The following GALNT2 variants were observed in gnomAD, a reference collection of about 807,000 sequenced individuals.
The protein encoded by GALNT2 is polypeptide N-acetylgalactosaminyltransferase 2.
Under a neutral mutation model 81.4 loss-of-function variants are expected in GALNT2, and 31 were observed. That is an observed-to-expected ratio of 0.38 (90% CI 0.29 to 0.51). The LOEUF (loss-of-function observed/expected upper bound fraction) is 0.51. Among genes scored for constraint, GALNT2 ranks in the 20% least tolerant of loss-of-function variants. The probability of loss-of-function intolerance (pLI) is 0.87; values close to 1 mark genes in which losing one functional copy is unlikely to be tolerated. For missense variants in GALNT2, 629 were observed against 765.7 expected (o/e 0.82, Z 2.11); for synonymous variants, 303 against 287.4 (o/e 1.05, Z -0.55).
chr1:230,086,094 A>G (rs1374174435), intron 1 of GALNT2, among the ~76,000 whole-genome samples: 2 of 152,348 alleles, frequency 1.3e-5, no homozygotes, highest in African/African-American at 2.4e-5. Flanking sequence ...CATGGAATTC[A>G]CAGAACAAAT....
intron 1 of GALNT2, among the ~76,000 whole-genome samples, chr1:230,117,312 C>T (rs1256034049): frequency 1.3e-5 from 2 of 152,250 alleles, no homozygotes; most frequent in African/African-American, 2.4e-5. Context: ...CTCACACCTT[C>T]TCCGTATCAG....
At chr1:230,231,847 C>T (rs1253469759) in intron 3 of GALNT2, among the ~76,000 whole-genome samples, 3 of 152,234 alleles carry the variant, frequency 2.0e-5, no homozygotes, top group Non-Finnish European at 4.4e-5. Flanking sequence ...CCCACAAAGT[C>T]AGCCCGAAAC....
chr1:230,149,374 C>T (rs1662023992), intron 1 of GALNT2, among the ~76,000 whole-genome samples: 1 of 152,102 alleles, frequency 6.6e-6, no homozygotes, highest in African/African-American at 2.4e-5. Context: ...ATGGTTGCTG[C>T]CTGCTTGCTG....
intron 1 of GALNT2, among the ~76,000 whole-genome samples, chr1:230,124,285 G>A (rs1661108344): frequency 6.6e-6 from 1 of 152,134 alleles, no homozygotes; most frequent in South Asian, 2.1e-4. Context: ...CAGAGGGAGA[G>A]ACACCAATTC....
chr1:230,090,573 A>C (rs1348303584), intron 1 of GALNT2, among the ~76,000 whole-genome samples: 1 of 152,134 alleles, frequency 6.6e-6, no homozygotes, highest in Non-Finnish European at 1.5e-5. Context: ...GGTGCTTCTG[A>C]GGTTCCCAAA....
In GALNT2 at chr1:230,279,699, G is replaced by C; in HGVS notation, c.*241G>C. ...CCAGCCGGGCCCCCTTCCCCAGGCCGGAGCGCCCCTCTTCCTTCCAGCTTT... is the reference window on the plus strand; with the variant it reads ...CCAGCCGGGCCCCCTTCCCCAGGCCCGAGCGCCCCTCTTCCTTCCAGCTTT... On this transcript the variant is annotated 3_prime_UTR_variant, in exon 16 of 16. Coordinates refer to ENST00000366672, the MANE Select transcript of GALNT2 (RefSeq NM_004481.5). The surrounding 1 kb of genome is among the most constrained non-coding windows in gnomAD (Gnocchi z 4.6). 3 of 566,952 alleles carry C rather than the reference G, an allele frequency of 5.3e-6. No individual in the cohort carries two copies. Among genetic ancestry groups the C allele is most frequent in the Non-Finnish European group, 9.6e-6 (3 of 312,666 alleles). The allele number at this position is 566,952 out of a possible 1,614,324, so 35.1% of individuals were successfully genotyped here.
chr1:230,277,823 C>T (rs1666339900), intron 15 of GALNT2, among the ~76,000 whole-genome samples: 1 of 152,142 alleles, frequency 6.6e-6, no homozygotes, highest in African/African-American at 2.4e-5. Context: ...CTGGCTTTGC[C>T]AGTTGGAACA....
intron 2 of GALNT2, among the ~76,000 whole-genome samples, chr1:230,181,670 G>A (rs750678193): frequency 3.9e-5 from 6 of 151,972 alleles, no homozygotes; most frequent in East Asian, 1.9e-4. Flanking sequence ...GATTACAGGC[G>A]TGAGCCAGCA....
intron 3 of GALNT2, among the ~76,000 whole-genome samples, chr1:230,206,604 G>A (rs1664065366): frequency 6.6e-6 from 1 of 152,144 alleles, no homozygotes; most frequent in East Asian, 1.9e-4. Flanking sequence ...ATATCTAATG[G>A]GGAGCTATTT....
At chr1:230,077,015 C>T (rs1659584446) in intron 1 of GALNT2, among the ~76,000 whole-genome samples, 1 of 152,168 alleles carries the variant, frequency 6.6e-6, no homozygotes, top group African/African-American at 2.4e-5. Flanking sequence ...CCTGTGAGAG[C>T]TTGAGGAGCC....
intron 6 of GALNT2, among the ~76,000 whole-genome samples, chr1:230,240,023 G>A (rs535058510): frequency 1.5e-4 from 23 of 152,226 alleles, no homozygotes; most frequent in African/African-American, 5.5e-4. Flanking sequence ...ACAATACACT[G>A]TTACATTTTT....
chr1:230,065,851 T>C (rs1315409917), upstream of GALNT2, among the ~76,000 whole-genome samples: 1 of 152,214 alleles, frequency 6.6e-6, no homozygotes, highest in East Asian at 1.9e-4. Flanking sequence ...TATCTGACTT[T>C]TTCCCAGAAA....
At chr1:230,237,080 A>G (rs1665054805) in intron 6 of GALNT2, among the ~76,000 whole-genome samples, 1 of 152,266 alleles carries the variant, frequency 6.6e-6, no homozygotes, top group South Asian at 2.1e-4. Flanking sequence ...TGCTCCAGGC[A>G]TCTGATAAAA....
rs552559804 is a variant in GALNT2 at position 230,236,701 on chromosome 1, G to C, written c.583G>C (p.Val195Leu). ...ALLGKIEKVR[V>L]LRNDRREGLM... ...CTTGGGGAAAATTGAGAAAGTGCGAGTTCTTAGAAATGATCGACGAGAAGG... is the reference window on the plus strand; with the variant it reads ...CTTGGGGAAAATTGAGAAAGTGCGACTTCTTAGAAATGATCGACGAGAAGG... Residue 195 changes from valine (V) to leucine (L), a missense_variant, in exon 6 of 16, where the codon GTT (valine) becomes CTT (leucine). By Grantham distance (32) the Val-to-Leu change is conservative (BLOSUM62 1). Coordinates refer to ENST00000366672, the MANE Select transcript of GALNT2 (RefSeq NM_004481.5). 4.3e-6 allele frequency: 7 copies of C among 1,613,680 alleles called. No individual in the cohort carries two copies. The highest frequency in any genetic ancestry group is 5.9e-6 in the Non-Finnish European group (7 of 1,179,928).
chr1:230,114,575 T>C (rs1007595065), intron 1 of GALNT2, among the ~76,000 whole-genome samples: 4 of 152,174 alleles, frequency 2.6e-5, no homozygotes, highest in African/African-American at 9.7e-5. Flanking sequence ...GGAAACAGCG[T>C]TGGCGGTGGA....
intron 1 of GALNT2, among the ~76,000 whole-genome samples, chr1:230,138,044 C>T (rs1661606689): frequency 6.6e-6 from 1 of 152,148 alleles, no homozygotes. Flanking sequence ...GAAAAAACAC[C>T]TTGCATGTCG....
At position 230,198,517 on chromosome 1, in the gene GALNT2, A is replaced by C. The variant is rs541161947; in HGVS notation, c.221-4620A>C. 6.0e-5 allele frequency among the ~76,000 whole-genome samples: 9 copies of C among 149,686 alleles called. No individual in the cohort carries two copies. The East Asian group carries it at 1.8e-3, about 30-fold the overall frequency. ...GTACGAGGAGTGGCAGGGGCAGGAC[A>C]GCAGCCCAGGAGAGTGAGACCCTTG... On this transcript the variant is annotated intron_variant, in intron 2 of 15. Coordinates refer to ENST00000366672, the MANE Select transcript of GALNT2 (RefSeq NM_004481.5).
At position 230,277,945 on chromosome 1, in the gene GALNT2, C is replaced by CA. The variant is rs568774363; in HGVS notation, c.1561-1352dup. On this transcript the variant is annotated intron_variant, in intron 15 of 15. Transcript: ENST00000366672. ...AATTCTGCAATGTCAAAAGGATTTG[C>CA]AAAAAATACTTAGGTGAAGGAGCTT... is the stretch of plus-strand genomic sequence containing the variant. 2.4e-4 allele frequency among the ~76,000 whole-genome samples: 37 copies of CA among 151,360 alleles called. No individual in the cohort carries two copies. In the East Asian group the frequency reaches 6.0e-3, roughly 25 times the overall value.
At chr1:230,168,002 T>C (rs1572041987) in intron 1 of GALNT2, among the ~76,000 whole-genome samples, 2 of 151,552 alleles carry the variant, frequency 1.3e-5, no homozygotes, top group East Asian at 4.0e-4. Flanking sequence ...TCTAGTCCAG[T>C]GTGCAGAAAT....
Sources: gnomAD v4.1 joint callset for allele counts (sites outside exome capture counted in the v4.1 genomes callset) on GRCh38, gnomAD v4.1.1 for gene constraint, Gnocchi (gnomAD v3.1) non-coding constraint, MANE v1.5 for transcripts, NCBI Gene and HGNC (gene_info 2026-07-23, HGNC 2026-07-21) for gene names.